Variants in CLASP1 observed in about 807,000 individuals in gnomAD.
CLASP1 encodes CLIP-associating protein 1.
A neutral mutation model predicts 192.3 loss-of-function variants in CLASP1; 38 were observed. That is an observed-to-expected ratio of 0.20 (90% CI 0.15 to 0.26). The LOEUF (loss-of-function observed/expected upper bound fraction) is 0.26, where lower values mean the gene tolerates loss of function less well. Among genes scored for constraint, CLASP1 ranks in the 10% least tolerant of loss-of-function variants. The pLI is 1.00. For missense variants in CLASP1, 1,433 were observed against 1,932.5 expected, an observed-to-expected ratio of 0.74 and a Z score of 4.85; for synonymous variants, 691 against 712.8, an observed-to-expected ratio of 0.97 and a Z score of 0.49.
intron 39 of CLASP1, among the ~76,000 whole-genome samples, chr2:121,344,886 G>C (rs1045831495): frequency 1.3e-5 from 2 of 152,110 alleles, no homozygotes; most frequent in Non-Finnish European, 2.9e-5. Context: ...GGCCAGACAC[G>C]GTGGCTCACA....
intron 1 of CLASP1, among the ~76,000 whole-genome samples, chr2:121,631,108 G>A (rs1466942665): frequency 1.1e-4 from 13 of 122,316 alleles, no homozygotes; most frequent in East Asian, 2.7e-4. Context: ...GCAGTGAGCC[G>A]AGATTGCGCC....
At chr2:121,583,615 C>T (rs1296388443) in intron 2 of CLASP1, among the ~76,000 whole-genome samples, 3 of 152,256 alleles carry the variant, frequency 2.0e-5, no homozygotes, top group African/African-American at 7.2e-5. Context: ...AATCATCTCC[C>T]TTTTTTCATA....
At chr2:121,460,087 A>T in exon 12 of CLASP1, 1 of 1,613,458 alleles carries the variant, frequency 6.2e-7, no homozygotes, top group Non-Finnish European at 8.5e-7. Flanking sequence ...TATCATACTC[A>T]GCAGCACCAG....
At position 121,425,313 on chromosome 2, in the gene CLASP1, G is replaced by A. The variant is rs2080203063; in HGVS notation, c.2045-7C>T. On this transcript the variant is annotated splice_region_variant and splice_polypyrimidine_tract_variant and intron_variant, in intron 21 of 39. Transcript: ENST00000263710. ...GAACTTGACCGGCTGCCAGCTAAAA[G>A]TGAAGCAAAATGACAATGAATAATA... is the stretch of plus-strand genomic sequence containing the variant. 5 of 1,610,650 alleles carry A rather than the reference G, an allele frequency of 3.1e-6. No homozygotes were observed. The highest frequency in any genetic ancestry group is 4.2e-6 in the Non-Finnish European group (5 of 1,179,014).
At chr2:121,602,896 G>C (rs1429434134) in intron 2 of CLASP1, among the ~76,000 whole-genome samples, 4 of 152,022 alleles carry the variant, frequency 2.6e-5, no homozygotes, top group Non-Finnish European at 4.4e-5. Flanking sequence ...ACATTAGTCT[G>C]GGAAAATATT....
chr2:121,533,406 ACCT>A (rs146920843), intron 2 of CLASP1, among the ~76,000 whole-genome samples: 336 of 152,186 alleles, frequency 2.2e-3, no homozygotes, highest in African/African-American at 7.8e-3. Flanking sequence ...TTTGTGCCTA[ACCT>A]CCTCATCTGT....
chr2:121,598,797 ATC>A (rs1450384573), intron 2 of CLASP1, among the ~76,000 whole-genome samples: 2 of 152,224 alleles, frequency 1.3e-5, no homozygotes, highest in African/African-American at 2.4e-5. Flanking sequence ...CCACATATAC[ATC>A]TGTCTGTAAA....
At chr2:121,348,198 T>G (rs2063718554) in intron 38 of CLASP1, among the ~76,000 whole-genome samples, 1 of 152,128 alleles carries the variant, frequency 6.6e-6, no homozygotes, top group African/African-American at 2.4e-5. Context: ...CGCCCAGGGC[T>G]GGGGCTACAG....
At chr2:121,469,933 A>G (rs377074508) in exon 9 of CLASP1, 3 of 1,611,124 alleles carry the variant, frequency 1.9e-6, no homozygotes, top group African/African-American at 2.7e-5. Flanking sequence ...GTTACCATCC[A>G]CAGAATCTTC....
chr2:121,519,985 T>C (rs1002801453), intron 6 of CLASP1, among the ~76,000 whole-genome samples: 35 of 152,186 alleles, frequency 2.3e-4, no homozygotes, highest in Admixed American at 2.0e-3. Flanking sequence ...TGTCAGGCCA[T>C]GAAGACTGCA....
chr2:121,449,237 A>G, intron 16 of CLASP1, 117 bp from the exon 17 acceptor site: 1 of 795,966 alleles, frequency 1.3e-6, no homozygotes, highest in Non-Finnish European at 2.0e-6. Flanking sequence ...TTAGCCGCTA[A>G]TAGTAGCAGG....
chr2:121,418,654 T>A, exon 23 of CLASP1: 1 of 1,613,876 alleles, frequency 6.2e-7, no homozygotes, highest in Non-Finnish European at 8.5e-7. Context: ...AGGGCTTGTA[T>A]CTCGGCTGCT....
In CLASP1 at chr2:121,348,768, C is replaced by T. The variant is rs181200172; in HGVS notation, c.4207-50G>A. ...AGTGAGCTCCACATGCCACATGAAG[C>T]GAAAGACCAAACATCACTTTTGATT... On this transcript the variant is annotated intron_variant, in intron 37 of 39. Coordinates refer to ENST00000263710, the Ensembl canonical transcript of CLASP1. 4.4e-4 allele frequency: 639 copies of T among 1,452,998 alleles called. 2 individuals carry two copies. In the African/African-American group the frequency reaches 7.2e-3, roughly 16 times the overall value. 90.0% of individuals were successfully genotyped at this position (1,452,998 alleles called of 1,614,324 possible).
intron 30 of CLASP1, among the ~76,000 whole-genome samples, chr2:121,394,892 C>G (rs1553486125): frequency 6.6e-6 from 1 of 151,982 alleles, no homozygotes; most frequent in Non-Finnish European, 1.5e-5. Flanking sequence ...ACAAACAAAC[C>G]AAAAAAACAA....
intron 37 of CLASP1, among the ~76,000 whole-genome samples, chr2:121,355,666 C>T (rs1008911689): frequency 1.3e-5 from 2 of 152,076 alleles, no homozygotes; most frequent in Non-Finnish European, 2.9e-5. Context: ...CAGGTTTTGC[C>T]CCTGTGTTCT....
In CLASP1 at chr2:121,479,053, C is replaced by A. The variant is rs866523726; in HGVS notation, c.713-9093G>T. On this transcript the variant is annotated intron_variant, in intron 8 of 39. Transcript: ENST00000263710. ...ACACCCCACACACACACACACCCCC[C>A]CCCCACACACACACACACACACCAT... Among the ~76,000 whole-genome samples, 48 of 90,568 alleles carry A rather than the reference C, an allele frequency of 5.3e-4. 3 individuals are homozygous for A. Among genetic ancestry groups the A allele is most frequent in the African/African-American group, 2.1e-3 (47 of 22,878 alleles). The allele number at this position is 90,568 out of a possible 152,430, so 59.4% of individuals were successfully genotyped here.
At chr2:121,530,064 T>G (rs1372521748) in intron 3 of CLASP1, among the ~76,000 whole-genome samples, 183 bp downstream of exon 3, 1 of 117,830 alleles carries the variant, frequency 8.5e-6, no homozygotes, top group Non-Finnish European at 1.7e-5. Context: ...CGACCCAGGC[T>G]GCGAGTGCTT....
At chr2:121,647,921 G>A (rs770331836) in intron 1 of CLASP1, among the ~76,000 whole-genome samples, 52 of 152,050 alleles carry the variant, frequency 3.4e-4, no homozygotes, top group Non-Finnish European at 7.4e-5. Flanking sequence ...GGTGTTACAA[G>A]GTAGCCCATA....
At chr2:121,642,782 C>A (rs1045946437) in intron 1 of CLASP1, among the ~76,000 whole-genome samples, 6 of 152,036 alleles carry the variant, frequency 3.9e-5, no homozygotes, top group Admixed American at 6.6e-5. Flanking sequence ...AGCAAAATGA[C>A]AAAGCTATTA....
Sources: allele counts gnomAD v4.1 joint callset (sites outside exome capture counted in the v4.1 genomes callset), GRCh38; gene constraint gnomAD v4.1.1; transcripts MANE v1.5; gene names NCBI Gene and HGNC (gene_info 2026-07-23, HGNC 2026-07-21).